RBM42: variants seen among roughly 807,000 people sequenced by gnomAD.
RBM42 encodes RNA-binding protein 42.
Under a neutral mutation model 41.4 loss-of-function variants are expected in RBM42, and 21 were observed. The ratio of observed to expected loss-of-function variants is 0.51; its 90% CI spans 0.36 to 0.73. The LOEUF (loss-of-function observed/expected upper bound fraction) is 0.73. Ranked by LOEUF, RBM42 falls within the 30% of genes least tolerant of loss-of-function variation. The probability of loss-of-function intolerance (pLI) is 0.00; values close to 1 mark genes in which losing one functional copy is unlikely to be tolerated. For synonymous variants in RBM42, 272 were observed against 271.2 expected (o/e 1.00, Z -0.03); for missense variants, 539 against 680.4 (o/e 0.79, Z 2.31).
At chr19:35,633,600 G>T in intron 6 of RBM42, 87 bp from the exon 7 acceptor site, 7 of 1,304,926 alleles carry the variant, frequency 5.4e-6, no homozygotes, top group Admixed American at 3.7e-5. Flanking sequence ...CTGGCCCCCA[G>T]GCCCTTTCTT....
At chr19:35,630,804 G>A (rs1396792971) in intron 2 of RBM42, among the ~76,000 whole-genome samples, 2 of 152,226 alleles carry the variant, frequency 1.3e-5, no homozygotes, top group Admixed American at 6.5e-5. Context: ...GAAGCCAGGA[G>A]ATGGAGGAAG....
chr19:35,637,624 C>T lies in RBM42; in HGVS notation c.*70C>T, dbSNP rs920304402. ...CCTCCCTCAGTTCTCTTTGGAAAAC[C>T]CCCAGCTGTCCACCCATCCCCTGCC... On this transcript the variant is annotated 3_prime_UTR_variant, in exon 10 of 10. Transcript: ENST00000262633. This position sits in a 1 kb window ranked among gnomAD's most constrained non-coding sequence, Gnocchi z 7.0. The T allele has an allele frequency of 4.4e-5, 52 of 1,188,256 alleles. No homozygotes were observed. Among genetic ancestry groups the T allele is most frequent in the Non-Finnish European group, 4.9e-6 (4 of 824,218 alleles). The allele number at this position is 1,188,256 out of a possible 1,614,324, so 73.6% of individuals were successfully genotyped here. A position where few individuals can be genotyped will look rare whatever the true frequency, so the allele number is the denominator to read the frequency against.
rs1446863390 is a variant in RBM42 at position 35,629,284 on chromosome 19, A to G, written c.128+3A>G. ...GAAATGGAGGCGGAGATGGCCCTGT[A>G]AGGCCCGCGACAGAGAGTGATAAAA... On this transcript the variant is annotated splice_donor_region_variant and intron_variant, in intron 1 of 9. Coordinates refer to ENST00000262633, the MANE Select transcript of RBM42 (RefSeq NM_024321.5). 4 of 1,525,898 alleles carry G rather than the reference A, an allele frequency of 2.6e-6. No homozygotes were observed. Among genetic ancestry groups the G allele is most frequent in the Non-Finnish European group, 3.5e-6 (4 of 1,139,958 alleles). The allele number at this position is 1,525,898 out of a possible 1,614,324, so 94.5% of individuals were successfully genotyped here. A position where few individuals can be genotyped will look rare whatever the true frequency, so the allele number is the denominator to read the frequency against.
Position 35,632,935 on chromosome 19 carries a change from G to C in RBM42, c.443-1G>C. ...CACACCCCCATCTCTCTCTCCCACA[G>C]CTGTGGCCCCCCAGAGGGCCCCTAT... On this transcript the variant is annotated splice_acceptor_variant, in intron 4 of 9. Coordinates refer to ENST00000262633, the MANE Select transcript of RBM42 (RefSeq NM_024321.5). LOFTEE classifies it high-confidence loss of function. The C allele has an allele frequency of 1.3e-6, 2 of 1,505,958 alleles. No individual in the cohort carries two copies. The highest frequency in any genetic ancestry group is 2.3e-5 in the East Asian group (1 of 43,792). The allele number at this position is 1,505,958 out of a possible 1,614,324, so 93.3% of individuals were successfully genotyped here.
Position 35,637,392 on chromosome 19 carries a change from C to T in RBM42, c.1330+40C>T, listed in dbSNP as rs774179791. Reference sequence around the variant, plus strand: ...CCCTGGGAACTGCAGGCGCGGCAGGCGCTGGCCTAAGCCTGACCCGAGCCT... The same window carrying T: ...CCCTGGGAACTGCAGGCGCGGCAGGTGCTGGCCTAAGCCTGACCCGAGCCT... On this transcript the variant is annotated intron_variant, in intron 9 of 9. Coordinates refer to ENST00000262633, the MANE Select transcript of RBM42 (RefSeq NM_024321.5). The surrounding 1 kb of genome is among the most constrained non-coding windows in gnomAD (Gnocchi z 7.0). The T allele has an allele frequency of 1.2e-5, 20 of 1,612,784 alleles. No homozygotes were observed. In the East Asian group the frequency reaches 1.8e-4, roughly 14 times the overall value.
intron 7 of RBM42, 75 bp from the exon 8 acceptor site, chr19:35,634,181 A>G (rs1167535153): frequency 3.2e-6 from 5 of 1,568,560 alleles, no homozygotes; most frequent in African/African-American, 2.7e-5. Flanking sequence ...CTGTGGTGGC[A>G]GGAGGGCCGG....
chr19:35,636,393 C>G (rs1266133018), intron 8 of RBM42, among the ~76,000 whole-genome samples: 1 of 152,154 alleles, frequency 6.6e-6, no homozygotes, highest in African/African-American at 2.4e-5. Flanking sequence ...CTCTTGAGCT[C>G]AAGTCATCCA....
chr19:35,631,634 A>C, intron 4 of RBM42: 1 of 585,820 alleles, frequency 1.7e-6, no homozygotes, highest in South Asian at 2.1e-5. Flanking sequence ...CCCAGTTACC[A>C]CAGCACTTAA....
Position 35,637,326 on chromosome 19 carries a change from A to C in RBM42, c.1304A>C (p.Tyr435Ser), listed in dbSNP as rs1405417543. ...GFVSFKDPSDYVRAMREMNGK... is the reference protein window; with the variant it reads ...GFVSFKDPSDSVRAMREMNGK... The stretch of plus-strand genomic sequence containing the variant: ...GTCAGCTTCAAGGACCCCAGCGACT[A>C]CGTGCGCGCCATGCGTGAGATGAAT... Residue 435 changes from tyrosine to serine, a missense_variant, in exon 9 of 10, where the codon TAC becomes TCC. Tyr to Ser is a moderately radical substitution (Grantham distance 144, BLOSUM62 -2). Transcript: ENST00000262633. This position sits in a 1 kb window ranked among gnomAD's most constrained non-coding sequence, Gnocchi z 7.0. 1 of 1,614,246 alleles carries C rather than the reference A, an allele frequency of 6.2e-7. No individual in the cohort carries two copies. Among genetic ancestry groups the C allele is most frequent in the South Asian group, 1.1e-5 (1 of 91,090 alleles).
Position 35,633,695 on chromosome 19 carries a change from A to G in RBM42, c.693A>G (p.Pro231=). ...TCTCCTCTTACCCACAGGAAGAGCC[A>G]GCAGCACCCCGAGAGCTGGGCCTAG... ...MAALRPPLEE[P]AAPRELGLGL... is the part of the protein sequence containing the mutation. Residue 231 remains proline (P), a synonymous_variant, in exon 7 of 10, where the codon CCA becomes CCG. Transcript: ENST00000262633. The G allele has an allele frequency of 6.9e-7, 1 of 1,459,436 alleles. No homozygotes were observed. Among genetic ancestry groups the G allele is most frequent in the Non-Finnish European group, 9.0e-7 (1 of 1,109,820 alleles). The allele number at this position is 1,459,436 out of a possible 1,614,324, so 90.4% of individuals were successfully genotyped here. A position where few individuals can be genotyped will look rare whatever the true frequency, so the allele number is the denominator to read the frequency against.
chr19:35,637,622 A>C lies in RBM42; in HGVS notation c.*68A>C. 8.0e-7 allele frequency: 1 copy of C among 1,242,414 alleles called. No individual in the cohort carries two copies. Among genetic ancestry groups the C allele is most frequent in the Non-Finnish European group, 1.1e-6 (1 of 871,272 alleles). The allele number at this position is 1,242,414 out of a possible 1,614,324, so 77.0% of individuals were successfully genotyped here. Reference sequence around the variant, plus strand: ...CTCCTCCCTCAGTTCTCTTTGGAAAACCCCCAGCTGTCCACCCATCCCCTG... The same window carrying C: ...CTCCTCCCTCAGTTCTCTTTGGAAACCCCCCAGCTGTCCACCCATCCCCTG... On this transcript the variant is annotated 3_prime_UTR_variant, in exon 10 of 10. Transcript: ENST00000262633. The surrounding 1 kb of genome is among the most constrained non-coding windows in gnomAD (Gnocchi z 7.0).
At chr19:35,632,243 G>C (rs943600840) in intron 4 of RBM42, among the ~76,000 whole-genome samples, 1 of 151,984 alleles carries the variant, frequency 6.6e-6, no homozygotes, top group African/African-American at 2.4e-5. Context: ...TACTTCCCCT[G>C]CCCAGCTTCC....
chr19:35,629,630 C>T lies in RBM42; in HGVS notation c.239C>T (p.Ala80Val), dbSNP rs1187210388. The change falls in exon 2 of 10, where the codon GCT becomes GTT. Residue 80 changes from alanine to valine, a missense_variant. Ala to Val is a moderately conservative substitution (Grantham distance 64, BLOSUM62 0). Coordinates refer to ENST00000262633, the MANE Select transcript of RBM42 (RefSeq NM_024321.5). ...PTVEAMQVPA[A>V]PVIRPIIATN... Reference sequence around the variant, plus strand: ...GTAGAAGCGATGCAGGTCCCAGCGGCTCCTGTGATCCGCCCAATTATCGCG... The same window carrying T: ...GTAGAAGCGATGCAGGTCCCAGCGGTTCCTGTGATCCGCCCAATTATCGCG... 5 of 1,614,234 alleles carry T rather than the reference C, an allele frequency of 3.1e-6. No individual in the cohort carries two copies. Among genetic ancestry groups the T allele is most frequent in the Non-Finnish European group, 3.4e-6 (4 of 1,180,038 alleles).
At chr19:35,631,298 C>T (rs1474938343) in intron 3 of RBM42, 33 bp from the exon 4 acceptor site, 1 of 1,612,984 alleles carries the variant, frequency 6.2e-7, no homozygotes, top group Non-Finnish European at 8.5e-7. Flanking sequence ...CAGGACTCTC[C>T]TCCCACCATC....
rs921358378 is a variant in RBM42, at chr19:35,629,360, G to A, written c.128+79G>A. The A allele has an allele frequency of 4.7e-6, 7 of 1,495,550 alleles. No homozygotes were observed. In the African/African-American group the frequency reaches 7.0e-5, roughly 15 times the overall value. The allele number at this position is 1,495,550 out of a possible 1,614,324, so 92.6% of individuals were successfully genotyped here. A position where few individuals can be genotyped will look rare whatever the true frequency, so the allele number is the denominator to read the frequency against. ...ATCTCGGAGCCTCCAGGCCTCGATAGGCCGGAGATACGGCTCTAACATGGG... is the reference window on the plus strand; with the variant it reads ...ATCTCGGAGCCTCCAGGCCTCGATAAGCCGGAGATACGGCTCTAACATGGG... On this transcript the variant is annotated intron_variant, in intron 1 of 9. Transcript: ENST00000262633.
chr19:35,636,192 A>G (rs1419044091), intron 8 of RBM42, among the ~76,000 whole-genome samples: 5 of 144,638 alleles, frequency 3.5e-5, no homozygotes, highest in Non-Finnish European at 7.5e-5. Context: ...AGAGTCTCGC[A>G]CTGTCACCCA....
intron 4 of RBM42, among the ~76,000 whole-genome samples, chr19:35,632,212 G>A (rs185893935): frequency 1.3e-3 from 194 of 152,178 alleles, no homozygotes; most frequent in Non-Finnish European, 2.1e-3. Context: ...GTATGGTTTT[G>A]ATCAAAATGC....
In RBM42 at chr19:35,637,202, G is replaced by T; in HGVS notation, c.1180G>T (p.Asp394Tyr). 1 of 1,614,158 alleles carries T rather than the reference G, an allele frequency of 6.2e-7. No homozygotes were observed. Among genetic ancestry groups the T allele is most frequent in the Non-Finnish European group, 8.5e-7 (1 of 1,180,026 alleles). ...TGGGGATCTGGGCAATGAGGTGAAC[G>T]ATGACATCTTGGCACGCGCCTTCAG... ...FCGDLGNEVN[D>Y]DILARAFSRF... Residue 394 changes from aspartate to tyrosine, a missense_variant, in exon 9 of 10, where the codon GAT (aspartate) becomes TAT (tyrosine). Asp to Tyr is a radical substitution (Grantham distance 160). Transcript: ENST00000262633. This position sits in a 1 kb window ranked among gnomAD's most constrained non-coding sequence, Gnocchi z 7.0.
intron 1 of RBM42, 27 bp from the exon 2 acceptor site, chr19:35,629,493 G>A (rs1368080480): frequency 2.5e-6 from 4 of 1,613,018 alleles, no homozygotes; most frequent in South Asian, 1.1e-5. Flanking sequence ...GAGGTCCTGA[G>A]CGCTGATGTC....
Sources: allele counts gnomAD v4.1 joint callset (sites outside exome capture counted in the v4.1 genomes callset), GRCh38; gene constraint gnomAD v4.1.1; non-coding constraint Gnocchi (gnomAD v3.1); transcripts MANE v1.5; gene names NCBI Gene and HGNC (gene_info 2026-07-23, HGNC 2026-07-21).